Variants in SNED1 observed in about 807,000 individuals in gnomAD.
The protein encoded by SNED1 is sushi, nidogen and EGF-like domain-containing protein 1.
Under a neutral mutation model 166.7 loss-of-function variants are expected in SNED1, and 81 were observed. That is an observed-to-expected ratio of 0.49 (90% CI 0.41 to 0.58). The LOEUF is 0.58. Among genes scored for constraint, SNED1 ranks in the 20% least tolerant of loss-of-function variants. The pLI, the probability that SNED1 is intolerant of heterozygous loss-of-function variation, is 0.00. For missense variants in SNED1, 1,604 were observed against 2,000.2 expected, an observed-to-expected ratio of 0.80 and a Z score of 3.78; for synonymous variants, 762 against 822.0, an observed-to-expected ratio of 0.93 and a Z score of 1.25.
intron 16 of SNED1, among the ~76,000 whole-genome samples, chr2:241,055,128 AG>A (rs2062005346): frequency 6.6e-6 from 1 of 150,612 alleles, no homozygotes; most frequent in Admixed American, 6.6e-5. Flanking sequence ...AAAAAAAAAA[AG>A]AAAAAATATT....
In SNED1 at chr2:241,089,872, C is replaced by T. The variant is rs896041620; in HGVS notation, c.*1+1470C>T. ...CATGCTCCCGGGCTACACACCACAG[C>T]GTGTTACTGAATACTGTAGGCGGTC... On this transcript the variant is annotated intron_variant, in intron 31 of 31. Coordinates refer to ENST00000310397, the MANE Select transcript of SNED1 (RefSeq NM_001080437.3). The T allele has an allele frequency of 4.8e-6, 7 of 1,471,250 alleles. No homozygotes were observed. In the African/African-American group the frequency reaches 5.7e-5, roughly 12 times the overall value. 91.1% of individuals were successfully genotyped at this position (1,471,250 alleles called of 1,614,324 possible).
At chr2:241,024,250 T>TTA (rs1487208889) in intron 1 of SNED1, among the ~76,000 whole-genome samples, 3 of 125,880 alleles carry the variant, frequency 2.4e-5, no homozygotes, top group African/African-American at 9.5e-5. Context: ...TTTTTTTTTT[T>TTA]TTTTTTTTTT....
chr2:241,037,063 C>A, intron 5 of SNED1, 148 bp downstream of exon 5: 3 of 1,157,112 alleles, frequency 2.6e-6, no homozygotes, highest in Non-Finnish European at 3.7e-6. Flanking sequence ...TAGGGGACCA[C>A]TGGGGACCAA....
chr2:241,061,968 T>C (rs2062247393), intron 16 of SNED1, among the ~76,000 whole-genome samples: 1 of 152,202 alleles, frequency 6.6e-6, no homozygotes, highest in Non-Finnish European at 1.5e-5. Context: ...TGTAATGTTA[T>C]TCAGCAGTGA....
chr2:241,090,020 G>A (rs1220301992), intron 31 of SNED1: 10 of 1,547,972 alleles, frequency 6.5e-6, no homozygotes, highest in Admixed American at 2.0e-5. Context: ...CGCAGGACTG[G>A]CAGTTGCACA....
At chr2:241,035,003 C>T (rs1477960277) in intron 4 of SNED1, among the ~76,000 whole-genome samples, 1 of 151,190 alleles carries the variant, frequency 6.6e-6, no homozygotes, top group Non-Finnish European at 1.5e-5. Flanking sequence ...CGCACACACA[C>T]TGCTGTGGGT....
At position 241,053,154 on chromosome 2, in the gene SNED1, G is replaced by C; in HGVS notation, c.2085G>C (p.Glu695Asp). The change falls in exon 16 of 32, where the codon GAG becomes GAC. Residue 695 changes from glutamate (E) to aspartate (D), a missense_variant and splice_region_variant. Physicochemically the swap from Glu to Asp is conservative, Grantham distance 45 (BLOSUM62 2). Around this residue, in one of 2 missense-constraint regions of SNED1, gnomAD observed 1,237 missense variants for 1,620.8 expected, o/e 0.76. Coordinates refer to ENST00000310397, the MANE Select transcript of SNED1 (RefSeq NM_001080437.3). ...AGYMGRRCQAEVDCGPPEEVK... is the reference protein window; with the variant it reads ...AGYMGRRCQADVDCGPPEEVK... ...GAGACAGGCTGCCGTGCCTTGCAGA[G>C]GTGGACTGCGGCCCCCCGGAGGAGG... 1 of 1,609,306 alleles carries C rather than the reference G, an allele frequency of 6.2e-7. No individual in the cohort carries two copies. The highest frequency in any genetic ancestry group is 8.5e-7 in the Non-Finnish European group (1 of 1,178,874).
chr2:241,052,137 C>G lies in SNED1; in HGVS notation c.1949C>G (p.Ser650Cys). The G allele has an allele frequency of 6.2e-7, 1 of 1,613,796 alleles. No individual in the cohort carries two copies. Among genetic ancestry groups the G allele is most frequent in the Non-Finnish European group, 8.5e-7 (1 of 1,179,772 alleles). ...KYKCDCPPGF[S>C]GRHCEIAPSP... ...AAGTGTGACTGTCCCCCAGGCTTCT[C>G]CGGGCGGCACTGCGAGATAGGTAAG... Residue 650 changes from serine (S) to cysteine (C), a missense_variant, in exon 14 of 32, where the codon TCC becomes TGC. Ser to Cys is a moderately radical substitution (Grantham distance 112). Transcript: ENST00000310397.
chr2:241,074,243 G>C (rs1416974648), intron 27 of SNED1: 1 of 151,926 alleles, frequency 6.6e-6, no homozygotes, highest in Non-Finnish European at 1.5e-5. Flanking sequence ...CCTGCGGTGG[G>C]GTGTGTTTGC....
chr2:241,031,474 G>C (rs1002872388), intron 2 of SNED1, among the ~76,000 whole-genome samples: 1 of 152,202 alleles, frequency 6.6e-6, no homozygotes, highest in African/African-American at 2.4e-5. Flanking sequence ...AGTGTTCTAG[G>C]CACTGGGCAG....
Position 241,049,034 on chromosome 2 carries a change from T to C in SNED1, c.1517T>C (p.Met506Thr). The C allele has an allele frequency of 6.2e-7, 1 of 1,612,858 alleles. No homozygotes were observed. The highest frequency in any genetic ancestry group is 1.3e-5 in the African/African-American group (1 of 75,036). Residue 506 changes from methionine (M) to threonine (T), a missense_variant, in exon 11 of 32, where the codon ATG becomes ACG. By Grantham distance (81) the Met-to-Thr change is moderately conservative. Transcript: ENST00000310397. ...GLLCEFEITA[M>T]PCNMNTQCPD... ...CCTTTCTCTCTAGAAATCACAGCCA[T>C]GCCCTGCAACATGAACACACAGTGC...
intron 21 of SNED1, 141 bp from the exon 22 acceptor site, chr2:241,067,623 C>A (rs1397643430): frequency 4.7e-6 from 3 of 637,968 alleles, no homozygotes; most frequent in Non-Finnish European, 8.0e-6. Flanking sequence ...GCCCGAGTTC[C>A]CTGAGCAGTT....
chr2:241,081,808 G>A lies in SNED1; in HGVS notation c.4033+15G>A. On this transcript the variant is annotated intron_variant, in intron 28 of 31. Transcript: ENST00000310397. Reference sequence around the variant, plus strand: ...CTGCGAGCTCGGTAAGTCGGGGCTTGGCCTCAGGGCGCCCCTTCCAACACA... The same window carrying A: ...CTGCGAGCTCGGTAAGTCGGGGCTTAGCCTCAGGGCGCCCCTTCCAACACA... 6.5e-7 allele frequency: 1 copy of A among 1,545,588 alleles called. No individual in the cohort carries two copies. Among genetic ancestry groups the A allele is most frequent in the Non-Finnish European group, 8.8e-7 (1 of 1,138,124 alleles).
intron 27 of SNED1, among the ~76,000 whole-genome samples, chr2:241,077,338 T>G (rs2063075730): frequency 6.6e-6 from 1 of 151,768 alleles, no homozygotes; most frequent in African/African-American, 2.4e-5. Flanking sequence ...AACATAGGAG[T>G]AAATCTTCAT....
chr2:241,054,635 T>C (rs1425489376), intron 16 of SNED1, among the ~76,000 whole-genome samples: 1 of 152,226 alleles, frequency 6.6e-6, no homozygotes, highest in Non-Finnish European at 1.5e-5. Context: ...AAACATGGCA[T>C]TGGCCATCCA....
chr2:241,040,938 A>G, intron 8 of SNED1: 1 of 429,842 alleles, frequency 2.3e-6, no homozygotes, highest in South Asian at 1.8e-5. Context: ...AGCCTACAGT[A>G]TAAAAATGGC....
intron 4 of SNED1, chr2:241,035,799 G>C (rs2061335732): frequency 7.0e-6 from 1 of 142,462 alleles, no homozygotes; most frequent in Non-Finnish European, 1.5e-5. Flanking sequence ...CACAGGGTTG[G>C]GGATGAGGGG....
At chr2:241,047,582 G>T (rs2061686542) in intron 8 of SNED1, among the ~76,000 whole-genome samples, 1 of 149,148 alleles carries the variant, frequency 6.7e-6, no homozygotes, top group South Asian at 2.1e-4. Flanking sequence ...ACATTGAAAA[G>T]GATTGTGTTT....
intron 1 of SNED1, among the ~76,000 whole-genome samples, chr2:241,029,836 C>T (rs1205652892): frequency 6.6e-6 from 1 of 152,240 alleles, no homozygotes; most frequent in Admixed American, 6.5e-5. Context: ...CTCCCCGAAG[C>T]CCACCTTGTG....
Sources: allele counts gnomAD v4.1 joint callset (sites outside exome capture counted in the v4.1 genomes callset), GRCh38; gene constraint gnomAD v4.1.1; regional missense constraint gnomAD v4.1.1; transcripts MANE v1.5; gene names NCBI Gene and HGNC (gene_info 2026-07-23, HGNC 2026-07-21).